Variants in PCDHGA1 observed in about 807,000 individuals in gnomAD.
The protein encoded by PCDHGA1 is protocadherin gamma-A1.
A neutral mutation model predicts 58.0 loss-of-function variants in PCDHGA1; 32 were observed. The observed-to-expected ratio is 0.55, with a 90% CI of 0.42 to 0.74. The LOEUF (loss-of-function observed/expected upper bound fraction) is 0.74. Among genes scored for constraint, PCDHGA1 ranks in the 30% least tolerant of loss-of-function variants. PCDHGA1 has a pLI of 0.00. For synonymous variants in PCDHGA1, 498 were observed against 501.1 expected, an observed-to-expected ratio of 0.99 and a Z score of 0.08; for missense variants, 1,205 against 1,182.3, an observed-to-expected ratio of 1.02 and a Z score of -0.28.
In PCDHGA1 at chr5:141,332,533, T is replaced by C. The variant is rs531227689; in HGVS notation, c.1849T>C (p.Phe617Leu). 2.5e-6 allele frequency: 4 copies of C among 1,612,732 alleles called. No homozygotes were observed. The highest frequency in any genetic ancestry group is 3.4e-6 in the Non-Finnish European group (4 of 1,179,826). ...GCTCAAGGCCAGCGAGCCGGGACTC[T>C]TCTCGGTGGGTCTGCACACGGGCGA... ...RLLKASEPGL[F>L]SVGLHTGEVR... Residue 617 changes from phenylalanine (F) to leucine (L), a missense_variant, in exon 1 of 4, where the codon TTC becomes CTC. Transcript: ENST00000517417. The surrounding 1 kb of genome is among the most constrained non-coding windows in gnomAD (Gnocchi z 4.6).
rs111263562 is a variant in PCDHGA1, at chr5:141,487,812, T to C, written c.2422-6995T>C. The C allele has an allele frequency of 1.1e-4, 148 of 1,408,204 alleles. 1 individual carries two copies. Among genetic ancestry groups the C allele is most frequent in the South Asian group, 1.6e-4 (12 of 73,988 alleles). The allele number at this position is 1,408,204 out of a possible 1,614,324, so 87.2% of individuals were successfully genotyped here. On this transcript the variant is annotated intron_variant, in intron 1 of 3. Coordinates refer to ENST00000517417, the MANE Select transcript of PCDHGA1 (RefSeq NM_018912.3). The surrounding 1 kb of genome is among the most constrained non-coding windows in gnomAD (Gnocchi z 5.0). ...TAACCAGAGTTGTCACAGTTTAGCA[T>C]TGGGGGCGGGTCATGCCTATATCTG...
intron 3 of PCDHGA1, among the ~76,000 whole-genome samples, chr5:141,509,089 G>C (rs1366018197): frequency 6.6e-6 from 1 of 152,158 alleles, no homozygotes; most frequent in Non-Finnish European, 1.5e-5. Context: ...ACATGAAATG[G>C]GGGCTGTAGA....
intron 1 of PCDHGA1, chr5:141,345,134 T>A (rs1371380198): frequency 6.2e-7 from 1 of 1,613,964 alleles, no homozygotes. Context: ...GAGAAATTGC[T>A]CTTATCGACG....
At chr5:141,351,564 C>T in intron 1 of PCDHGA1, 1 of 1,614,074 alleles carries the variant, frequency 6.2e-7, no homozygotes, top group Non-Finnish European at 8.5e-7. Flanking sequence ...ACAAGCATCA[C>T]CCTGCACATC....
intron 1 of PCDHGA1, chr5:141,384,288 G>T (rs1367965791): frequency 1.9e-6 from 3 of 1,613,666 alleles, no homozygotes; most frequent in Non-Finnish European, 2.5e-6. Flanking sequence ...ACATCGCTGA[G>T]AACAACCCCA....
At chr5:141,430,373 A>G (rs1456234962) in intron 1 of PCDHGA1, among the ~76,000 whole-genome samples, 1 of 151,170 alleles carries the variant, frequency 6.6e-6, no homozygotes, top group Non-Finnish European at 1.5e-5. Flanking sequence ...GGGAAAAAAA[A>G]GCTCATTGGG....
intron 1 of PCDHGA1, chr5:141,383,093 G>T (rs1778804581): frequency 1.2e-5 from 20 of 1,613,930 alleles, no homozygotes; most frequent in Non-Finnish European, 1.7e-5. Flanking sequence ...CGCGGAGTCC[G>T]CATCATCTCC....
At chr5:141,392,719 C>CCG in intron 1 of PCDHGA1, 1 of 1,383,098 alleles carries the variant, frequency 7.2e-7, no homozygotes, top group African/African-American at 1.5e-5. Context: ...TCCAGGTTTC[C>CCG]GGAGGATTGT....
intron 1 of PCDHGA1, chr5:141,478,229 T>C: frequency 6.2e-7 from 1 of 1,614,074 alleles, no homozygotes; most frequent in Non-Finnish European, 8.5e-7. Flanking sequence ...TTCTGTGGGG[T>C]TTGTGGTCAC....
intron 1 of PCDHGA1, chr5:141,344,512 C>A (rs1412560848): frequency 1.2e-6 from 2 of 1,613,954 alleles, no homozygotes; most frequent in Admixed American, 3.3e-5. Context: ...GCTTTTGACC[C>A]AGATGTAGGC....
rs374042624 is a variant in PCDHGA1, at chr5:141,394,490, G to A, written c.2421+61385G>A. The A allele has an allele frequency of 3.7e-6, 6 of 1,614,058 alleles. No individual in the cohort carries two copies. In the Admixed American group the frequency reaches 5.0e-5, roughly 13 times the overall value. ...TCGTGCTGGACCAGAATGACAACGCGCCCGAGATCCTGTACCCCGCCCTCC... is the reference window on the plus strand; with the variant it reads ...TCGTGCTGGACCAGAATGACAACGCACCCGAGATCCTGTACCCCGCCCTCC... On this transcript the variant is annotated intron_variant, in intron 1 of 3. Transcript: ENST00000517417.
At chr5:141,424,956 T>A (rs1435882776) in intron 1 of PCDHGA1, among the ~76,000 whole-genome samples, 1 of 152,176 alleles carries the variant, frequency 6.6e-6, no homozygotes, top group African/African-American at 2.4e-5. Context: ...TTCTAGGTAT[T>A]TGCCCCAAAT....
intron 1 of PCDHGA1, chr5:141,423,389 A>G (rs568843632): frequency 2.5e-6 from 4 of 1,614,160 alleles, no homozygotes; most frequent in Admixed American, 1.7e-5. Flanking sequence ...TGGCGCTGGC[A>G]TAAGTCACGC....
intron 1 of PCDHGA1, chr5:141,352,294 T>A (rs1758971245): frequency 6.2e-7 from 1 of 1,614,072 alleles, no homozygotes; most frequent in Non-Finnish European, 8.5e-7. Flanking sequence ...CTGAGCCCTC[T>A]GACCCCCAGA....
In PCDHGA1 at chr5:141,485,944, G is replaced by A; in HGVS notation, c.2422-8863G>A. 1.2e-6 allele frequency: 2 copies of A among 1,614,116 alleles called. No homozygotes were observed. The highest frequency in any genetic ancestry group is 1.7e-6 in the Non-Finnish European group (2 of 1,180,020). ...TTAGTGTGTTGGAGAGCGCACCAGC[G>A]GGCATGGTGCTCATCCAGCTCAATG... On this transcript the variant is annotated intron_variant, in intron 1 of 3. Coordinates refer to ENST00000517417, the MANE Select transcript of PCDHGA1 (RefSeq NM_018912.3). This position sits in a 1 kb window ranked among gnomAD's most constrained non-coding sequence, Gnocchi z 5.7.
rs527514615 is a variant in PCDHGA1 at position 141,485,941 on chromosome 5, A to G, written c.2422-8866A>G. ...GGATTAGTGTGTTGGAGAGCGCACC[A>G]GCGGGCATGGTGCTCATCCAGCTCA... is the stretch of plus-strand genomic sequence containing the variant. On this transcript the variant is annotated intron_variant, in intron 1 of 3. Coordinates refer to ENST00000517417, the MANE Select transcript of PCDHGA1 (RefSeq NM_018912.3). This position sits in a 1 kb window ranked among gnomAD's most constrained non-coding sequence, Gnocchi z 5.7. The G allele has an allele frequency of 2.5e-6, 4 of 1,614,180 alleles. No homozygotes were observed. The highest frequency in any genetic ancestry group is 2.7e-5 in the African/African-American group (2 of 75,032).
intron 1 of PCDHGA1, among the ~76,000 whole-genome samples, chr5:141,349,740 T>A (rs1013664478): frequency 6.6e-6 from 1 of 152,172 alleles, no homozygotes; most frequent in Non-Finnish European, 1.5e-5. Context: ...ATTCACTTAT[T>A]TGGATACAGC....
rs776219135 is a variant in PCDHGA1, at chr5:141,403,980, A to G, written c.2421+70875A>G. ...ATTTCGGTGGAAGATGTAAATGACA[A>G]TAGACCTGAAGTGACCATTACATCT... On this transcript the variant is annotated intron_variant, in intron 1 of 3. Coordinates refer to ENST00000517417, the MANE Select transcript of PCDHGA1 (RefSeq NM_018912.3). The G allele has an allele frequency of 5.0e-6, 8 of 1,613,890 alleles. No homozygotes were observed. In the South Asian group the frequency reaches 8.8e-5, roughly 18 times the overall value.
At position 141,489,078 on chromosome 5, in the gene PCDHGA1, G is replaced by A. The variant is rs990356560; in HGVS notation, c.2422-5729G>A. ...GCTCCCCTCCCCCCTGCCCACCCCC[G>A]CCACTCGGTGACTAAGAACTGCTGC... On this transcript the variant is annotated intron_variant, in intron 1 of 3. Transcript: ENST00000517417. The surrounding 1 kb of genome is among the most constrained non-coding windows in gnomAD (Gnocchi z 4.5). 6.9e-5 allele frequency: 11 copies of A among 160,224 alleles called. 1 individual carries two copies. Among genetic ancestry groups the A allele is most frequent in the Admixed American group, 3.7e-4 (4 of 10,708 alleles). The allele number at this position is 160,224 out of a possible 1,614,324, so 9.9% of individuals were successfully genotyped here.
Sources: allele counts gnomAD v4.1 joint callset (sites outside exome capture counted in the v4.1 genomes callset), GRCh38; gene constraint gnomAD v4.1.1; non-coding constraint Gnocchi (gnomAD v3.1); transcripts MANE v1.5; gene names NCBI Gene and HGNC (gene_info 2026-07-23, HGNC 2026-07-21).